The following PHLDA1 variants were observed in gnomAD, a reference collection of about 807,000 sequenced individuals.
PHLDA1 encodes the protein pleckstrin homology like domain family A member 1.
A neutral mutation model predicts 33.8 loss-of-function variants in PHLDA1; 28 were observed. The ratio of observed to expected loss-of-function variants is 0.83; its 90% confidence interval spans 0.61 to 1.14. The LOEUF (loss-of-function observed/expected upper bound fraction) is 1.14. Among genes scored for constraint, PHLDA1 ranks in the 50% most tolerant of loss-of-function variants. The pLI is 0.00. For missense variants in PHLDA1, 595 were observed against 548.6 expected (o/e 1.08, Z -0.84); for synonymous variants, 271 against 243.6 (o/e 1.11, Z -1.05).
In PHLDA1 at chr12:76,031,379, C is replaced by T; in HGVS notation, c.363G>A (p.Pro121=). Reference sequence around the variant, plus strand: ...CCTCTCCGTTTCCAGCCGCGCGGGCCGGGGGCAGCAGCAGCAGCCTCGCGC... The same window carrying T: ...CCTCTCCGTTTCCAGCCGCGCGGGCTGGGGGCAGCAGCAGCAGCCTCGCGC... Residue 121 remains proline, a synonymous_variant, in exon 1 of 2, where the codon CCG becomes CCA. Transcript: ENST00000266671. This position sits in a 1 kb window ranked among gnomAD's most constrained non-coding sequence, Gnocchi z 5.4. 1 of 1,606,376 alleles carries T rather than the reference C, an allele frequency of 6.2e-7. No homozygotes were observed. The highest frequency in any genetic ancestry group is 2.2e-5 in the East Asian group (1 of 44,634).
chr12:76,031,469 G>T lies in PHLDA1; in HGVS notation c.273C>A (p.Leu91=). Residue 91 remains leucine, a synonymous_variant, in exon 1 of 2, where the codon CTC becomes CTA. Coordinates refer to ENST00000266671, the Ensembl canonical transcript of PHLDA1. This position sits in a 1 kb window ranked among gnomAD's most constrained non-coding sequence, Gnocchi z 5.4. ...GCGCGCAGAGGAGGCTAACACGCAG[G>T]AGGCAGAGCGGCGGCGGCGGCTCTG... 1 of 1,532,512 alleles carries T rather than the reference G, an allele frequency of 6.5e-7. No homozygotes were observed. 94.9% of individuals were successfully genotyped at this position (1,532,512 alleles called of 1,614,324 possible).
chr12:76,030,749 G>C lies in PHLDA1; in HGVS notation c.993C>G (p.Pro331=), dbSNP rs764471373. The C allele has an allele frequency of 5.4e-6, 7 of 1,297,032 alleles. No homozygotes were observed. In the South Asian group the frequency reaches 6.3e-5, roughly 12 times the overall value. The allele number at this position is 1,297,032 out of a possible 1,614,324, so 80.3% of individuals were successfully genotyped here. The change falls in exon 1 of 2, where the codon CCC becomes CCG. Residue 331 remains proline, a synonymous_variant. Coordinates refer to ENST00000266671, the Ensembl canonical transcript of PHLDA1. ...GGGGCTGAGGCTGGGGTTGTGATTG[G>C]GGCTGGGGTTGCGGCTGAGGCTGAG...
exon 1 of PHLDA1, chr12:76,030,916 T>C (rs1208030420): frequency 2.5e-6 from 4 of 1,613,814 alleles, no homozygotes; most frequent in Non-Finnish European, 3.4e-6. Flanking sequence ...TGCAGCGTGA[T>C]CTCGGCGTTC....
Position 76,031,644 on chromosome 12 carries a change from C to T in PHLDA1, c.98G>A (p.Gly33Glu), listed in dbSNP as rs887354279. The change falls in exon 1 of 2, where the codon GGG becomes GAG. Residue 33 changes from glycine (G) to glutamate (E), a missense_variant. Physicochemically the swap from Gly to Glu is moderately conservative, Grantham distance 98. Coordinates refer to ENST00000266671, the Ensembl canonical transcript of PHLDA1. The surrounding 1 kb of genome is among the most constrained non-coding windows in gnomAD (Gnocchi z 5.4). ...CTTTTGAATGGGCCATCTTCCCCAC[C>T]CCCGAGTGACACCCAGCGGAAAAGG... The T allele has an allele frequency of 1.9e-6, 3 of 1,544,490 alleles. No individual in the cohort carries two copies. The highest frequency in any genetic ancestry group is 1.9e-5 in the Admixed American group (1 of 51,978).
chr12:76,030,936 T>G, exon 1 of PHLDA1: 1 of 1,614,056 alleles, frequency 6.2e-7, no homozygotes, highest in Non-Finnish European at 8.5e-7. Context: ...CCAGCCCTGG[T>G]CTTGCGGGCA....
chr12:76,029,403 C>A (rs1870844085), exon 2 of PHLDA1: 1 of 152,182 alleles, frequency 6.6e-6, no homozygotes, highest in Non-Finnish European at 1.5e-5. Flanking sequence ...TTAGGTTATG[C>A]TTTAAATATT....
At chr12:76,030,770 C>CTGAGGCTGGGGT (rs1402450183) in exon 1 of PHLDA1, 1 of 1,410,348 alleles carries the variant, frequency 7.1e-7, no homozygotes, top group East Asian at 2.5e-5. Context: ...GCGGCTGAGG[C>CTGAGGCTGGGGT]TGAGGCTGGG....
exon 1 of PHLDA1, chr12:76,030,819 G>C: frequency 1.3e-6 from 2 of 1,560,530 alleles, no homozygotes; most frequent in Non-Finnish European, 1.7e-6. Flanking sequence ...CGGCTGCGAG[G>C]GGGGCTGCTG....
chr12:76,030,328 C>T (rs1042606461), intron 1 of PHLDA1, among the ~76,000 whole-genome samples, 182 bp downstream of exon 1: 2 of 152,200 alleles, frequency 1.3e-5, no homozygotes, highest in African/African-American at 4.8e-5. Flanking sequence ...ATCTCCCCAG[C>T]CTCCCCTCTC....
intron 1 of PHLDA1, 123 bp downstream of exon 1, chr12:76,030,387 A>G: frequency 1.4e-6 from 1 of 729,946 alleles, no homozygotes; most frequent in Non-Finnish European, 2.3e-6. Context: ...CCATTGCCCC[A>G]GAAACTTGGT....
At position 76,031,163 on chromosome 12, in the gene PHLDA1, C is replaced by CTGCTGCTGGTGG; in HGVS notation, c.578_579insCCACCAGCAGCA (p.Gln192_Gln193insHisHisGlnGln). ...GCTGCTGCTGCTGCTGCTGTTGCTG[C>CTGCTGCTGGTGG]TGCTGCTGCTGGTGTTGCAGCTGCT... On this transcript the variant is annotated inframe_insertion, in exon 1 of 2. Transcript: ENST00000266671. The surrounding 1 kb of genome is among the most constrained non-coding windows in gnomAD (Gnocchi z 5.4). 1 of 1,275,652 alleles carries CTGCTGCTGGTGG rather than the reference C, an allele frequency of 7.8e-7. No individual in the cohort carries two copies. The highest frequency in any genetic ancestry group is 1.1e-6 in the Non-Finnish European group (1 of 945,618). 79.0% of individuals were successfully genotyped at this position (1,275,652 alleles called of 1,614,324 possible).
rs977847065 is a variant in PHLDA1, at chr12:76,031,715, G to A, written c.27C>T (p.Arg9=). 1.3e-5 allele frequency: 18 copies of A among 1,399,652 alleles called. No individual in the cohort carries two copies. The highest frequency in any genetic ancestry group is 1.6e-5 in the South Asian group (1 of 61,494). 86.7% of individuals were successfully genotyped at this position (1,399,652 alleles called of 1,614,324 possible). Reference sequence around the variant, plus strand: ...GCGGGGGAAAGCCCAGCTCCAAGAGGCGCTCGGCAGCCGGCGCACGCCTCA... The same window carrying A: ...GCGGGGGAAAGCCCAGCTCCAAGAGACGCTCGGCAGCCGGCGCACGCCTCA... The change falls in exon 1 of 2, where the codon CGC becomes CGT. Residue 9 remains arginine (R), a synonymous_variant. Coordinates refer to ENST00000266671, the Ensembl canonical transcript of PHLDA1. The surrounding 1 kb of genome is among the most constrained non-coding windows in gnomAD (Gnocchi z 5.4).
exon 2 of PHLDA1, chr12:76,028,879 C>G (rs189057984): frequency 6.5e-6 from 1 of 152,736 alleles, no homozygotes; most frequent in African/African-American, 2.4e-5. Context: ...TGTTTTCTTA[C>G]TGAAAATCCT....
exon 2 of PHLDA1, chr12:76,029,768 G>A (rs1592589180): frequency 1.5e-5 from 2 of 130,894 alleles, no homozygotes; most frequent in East Asian, 5.0e-4. Flanking sequence ...ATTCAGAAAT[G>A]TCTTAGAACA....
chr12:76,030,837 A>G (rs968222035), exon 1 of PHLDA1: 5 of 1,587,756 alleles, frequency 3.1e-6, no homozygotes, highest in Non-Finnish European at 4.3e-6. Context: ...CTGCTGGACC[A>G]GGTGCTGCTG....
At chr12:76,027,880 G>A (rs932213301) in exon 2 of PHLDA1, 7 of 151,534 alleles carry the variant, frequency 4.6e-5, no homozygotes, top group African/African-American at 1.7e-4. Context: ...ATCTTTTTAA[G>A]CAATGAAATT....
At chr12:76,030,728 C>CTGAGGCTGGGGTTGTGAT (rs1484120581) in exon 1 of PHLDA1, 3 of 1,210,038 alleles carry the variant, frequency 2.5e-6, no homozygotes, top group East Asian at 2.5e-5. Context: ...TGGGTTGGGG[C>CTGAGGCTGGGGTTGTGAT]TGAGGCTGGG....
chr12:76,029,466 G>A (rs1387804295), exon 2 of PHLDA1: 2 of 152,128 alleles, frequency 1.3e-5, no homozygotes, highest in African/African-American at 4.8e-5. Context: ...TATCTTGAGT[G>A]TTAGATTTTC....
At chr12:76,030,789 T>C (rs1242730825) in exon 1 of PHLDA1, 1 of 1,480,234 alleles carries the variant, frequency 6.8e-7, no homozygotes, top group Admixed American at 2.0e-5. Context: ...GGGTTGGGGC[T>C]GGAGCTGCGG....
Sources: gnomAD v4.1 joint callset for allele counts (sites outside exome capture counted in the v4.1 genomes callset) on GRCh38, gnomAD v4.1.1 for gene constraint, Gnocchi (gnomAD v3.1) non-coding constraint, MANE v1.5 for transcripts, NCBI Gene and HGNC (gene_info 2026-07-23, HGNC 2026-07-21) for gene names.